The following HSF2 variants were observed in gnomAD, a reference collection of about 807,000 sequenced individuals.
The protein encoded by HSF2 is heat shock factor protein 2.
A neutral mutation model predicts 65.0 loss-of-function variants in HSF2; 21 were observed. The observed-to-expected ratio is 0.32, with a 90% confidence interval of 0.23 to 0.47. The LOEUF is 0.47. HSF2 is among the 20% of genes least tolerant of loss of function. HSF2 has a pLI of 1.00. For missense variants in HSF2, 499 were observed against 628.1 expected, an observed-to-expected ratio of 0.79 and a Z score of 2.20; for synonymous variants, 225 against 219.1, an observed-to-expected ratio of 1.03 and a Z score of -0.24.
At chr6:122,423,011 A>C in intron 9 of HSF2, 54 bp downstream of exon 9, 1 of 1,587,604 alleles carries the variant, frequency 6.3e-7, no homozygotes, top group Non-Finnish European at 8.6e-7. Context: ...TGTTCACTTC[A>C]CATGTTCTGT....
At chr6:122,409,238 A>G (rs1181864326) in intron 1 of HSF2, among the ~76,000 whole-genome samples, 5 of 152,046 alleles carry the variant, frequency 3.3e-5, no homozygotes, top group African/African-American at 9.7e-5. Context: ...GTTTAGCATC[A>G]AAGCCCAGAG....
At chr6:122,414,607 CT>C (rs1235138386) in intron 4 of HSF2, among the ~76,000 whole-genome samples, 14 of 151,948 alleles carry the variant, frequency 9.2e-5, no homozygotes, top group Non-Finnish European at 2.9e-5. Flanking sequence ...TTAGAGGGAA[CT>C]TTCTTCTCCT....
intron 1 of HSF2, among the ~76,000 whole-genome samples, chr6:122,400,054 G>GGGCGGCCCGCGCGGGGCGT (rs1773688473): frequency 6.6e-6 from 1 of 152,108 alleles, no homozygotes; most frequent in Admixed American, 6.5e-5. Context: ...GGTGGGGGAG[G>GGGCGGCCCGCGCGGGGCGT]GGCGGCCCGC....
In HSF2 at chr6:122,412,777, G is replaced by A. The variant is rs1210908127; in HGVS notation, c.330+13G>A. The stretch of plus-strand genomic sequence containing the variant: ...CATTAAAAGGAAGGTGAGCTATTGT[G>A]AACGTGAGCTAATTAGGGTATTGAC... On this transcript the variant is annotated intron_variant, in intron 3 of 12. Transcript: ENST00000368455. 1 of 1,611,720 alleles carries A rather than the reference G, an allele frequency of 6.2e-7. No homozygotes were observed. Among genetic ancestry groups the A allele is most frequent in the South Asian group, 1.1e-5 (1 of 90,928 alleles).
intron 6 of HSF2, 112 bp downstream of exon 6, chr6:122,419,341 C>T: frequency 5.6e-6 from 3 of 539,486 alleles, no homozygotes; most frequent in Non-Finnish European, 6.7e-6. Context: ...CCAAAAAGAA[C>T]AATTCTCCTT....
At chr6:122,423,852 C>T (rs982377631) in intron 10 of HSF2, among the ~76,000 whole-genome samples, 166 bp downstream of exon 10, 3 of 152,180 alleles carry the variant, frequency 2.0e-5, no homozygotes, top group Non-Finnish European at 4.4e-5. Flanking sequence ...AGGTTTGGGA[C>T]ATTGAAGGAG....
At chr6:122,429,724 G>A (rs759297929) in intron 11 of HSF2, among the ~76,000 whole-genome samples, 1 of 152,152 alleles carries the variant, frequency 6.6e-6, no homozygotes, top group Non-Finnish European at 1.5e-5. Flanking sequence ...ATGAAAGAGT[G>A]TTGAATTTTA....
chr6:122,423,446 A>AATCT (rs1055408358), intron 9 of HSF2, 135 bp from the exon 10 acceptor site: 2 of 499,306 alleles, frequency 4.0e-6, no homozygotes, highest in Non-Finnish European at 7.1e-6. Context: ...CTAGAATAAG[A>AATCT]TCTCTTAAGA....
intron 10 of HSF2, among the ~76,000 whole-genome samples, chr6:122,426,443 A>G (rs1315662999): frequency 1.3e-5 from 2 of 152,078 alleles, no homozygotes; most frequent in African/African-American, 4.8e-5. Flanking sequence ...AAAGAGGAGA[A>G]TAGAGGAGCT....
At chr6:122,418,316 C>G (rs959716117) in intron 5 of HSF2, among the ~76,000 whole-genome samples, 3 of 152,154 alleles carry the variant, frequency 2.0e-5, no homozygotes, top group African/African-American at 4.8e-5. Flanking sequence ...AGTATCCAGT[C>G]TACACTAAAG....
At chr6:122,429,734 A>C (rs1361487526) in intron 11 of HSF2, among the ~76,000 whole-genome samples, 1 of 152,022 alleles carries the variant, frequency 6.6e-6, no homozygotes, top group Non-Finnish European at 1.5e-5. Context: ...GTTGAATTTT[A>C]TTAAAGGCTT....
At chr6:122,407,093 T>C (rs1316007771) in intron 1 of HSF2, among the ~76,000 whole-genome samples, 3 of 151,822 alleles carry the variant, frequency 2.0e-5, no homozygotes, top group Non-Finnish European at 2.9e-5. Flanking sequence ...TTAGAGAGTA[T>C]GAAGACAAAA....
intron 6 of HSF2, 63 bp from the exon 7 acceptor site, chr6:122,420,072 T>A: frequency 6.6e-7 from 1 of 1,520,522 alleles, no homozygotes; most frequent in Non-Finnish European, 8.8e-7. Flanking sequence ...GGTAAGTTAA[T>A]AGAGGGAGTT....
At chr6:122,403,284 A>G (rs1371686401) in intron 1 of HSF2, among the ~76,000 whole-genome samples, 1 of 152,198 alleles carries the variant, frequency 6.6e-6, no homozygotes, top group Non-Finnish European at 1.5e-5. Flanking sequence ...AAATAATAGA[A>G]ATGCCTTAAT....
In HSF2 at chr6:122,431,898, A is replaced by T. The variant is rs772631796; in HGVS notation, c.1316-27A>T. 26 of 1,591,550 alleles carry T rather than the reference A, an allele frequency of 1.6e-5. No homozygotes were observed. The African/African-American group carries it at 2.2e-4, about 13-fold the overall frequency. On this transcript the variant is annotated intron_variant, in intron 12 of 12. Coordinates refer to ENST00000368455, the MANE Select transcript of HSF2 (RefSeq NM_004506.4). The stretch of plus-strand genomic sequence containing the variant: ...CTTGAACTCAGTATAAGCTGGTGAT[A>T]AAAGAGTGTTTTTCTGATCTTTATA...
intron 10 of HSF2, 32 bp downstream of exon 10, chr6:122,423,718 G>A (rs1395938200): frequency 2.5e-6 from 3 of 1,210,398 alleles, no homozygotes; most frequent in African/African-American, 3.0e-5. Flanking sequence ...TGCTATACTG[G>A]TAGTTTGTGT....
intron 10 of HSF2, among the ~76,000 whole-genome samples, chr6:122,426,312 G>A (rs886301307): frequency 2.0e-5 from 3 of 152,090 alleles, no homozygotes; most frequent in Admixed American, 2.0e-4. Flanking sequence ...CACAGCAGGA[G>A]AGGCCTGGCC....
chr6:122,420,047 A>ATG, intron 6 of HSF2, 88 bp from the exon 7 acceptor site: 2 of 1,277,608 alleles, frequency 1.6e-6, no homozygotes, highest in Non-Finnish European at 2.1e-6. Context: ...GTGAGTGTGC[A>ATG]TGTGTGTGTG....
chr6:122,423,650 A>T lies in HSF2; in HGVS notation c.1140A>T (p.Gly380=). 1 of 1,609,910 alleles carries T rather than the reference A, an allele frequency of 6.2e-7. No homozygotes were observed. Among genetic ancestry groups the T allele is most frequent in the Non-Finnish European group, 8.5e-7 (1 of 1,177,166 alleles). The change falls in exon 10 of 13, where the codon GGA becomes GGT. Residue 380 remains glycine (G), a synonymous_variant. Transcript: ENST00000368455. The stretch of plus-strand genomic sequence containing the variant: ...AGGACTTCCAGGCCATGCTATCAGG[A>T]AGACAATTTAGCATAGACCCAGATC... The part of the protein sequence containing the change: ...SLEDFQAMLS[G]RQFSIDPDLL...
Sources: allele counts gnomAD v4.1 joint callset (sites outside exome capture counted in the v4.1 genomes callset), GRCh38; gene constraint gnomAD v4.1.1; transcripts MANE v1.5; gene names NCBI Gene and HGNC (gene_info 2026-07-23, HGNC 2026-07-21).